SRGAP1: variants seen among roughly 807,000 people sequenced by gnomAD.
SRGAP1 encodes SLIT-ROBO Rho GTPase-activating protein 1.
Under a neutral mutation model 121.9 loss-of-function variants are expected in SRGAP1, and 43 were observed. The ratio of observed to expected loss-of-function variants is 0.35; its 90% confidence interval spans 0.28 to 0.46. The LOEUF (loss-of-function observed/expected upper bound fraction) is 0.46. Among genes scored for constraint, SRGAP1 ranks in the 20% least tolerant of loss-of-function variants. The probability of loss-of-function intolerance (pLI) is 1.00; values close to 1 mark genes in which losing one functional copy is unlikely to be tolerated. For synonymous variants in SRGAP1, 447 were observed against 485.4 expected, an observed-to-expected ratio of 0.92 and a Z score of 1.04; for missense variants, 1,102 against 1,350.9, an observed-to-expected ratio of 0.82 and a Z score of 2.89.
At chr12:64,023,390 A>T (rs1156516358) in intron 4 of SRGAP1, among the ~76,000 whole-genome samples, 1 of 152,202 alleles carries the variant, frequency 6.6e-6, no homozygotes, top group Admixed American at 6.5e-5. Context: ...TAAAGAGGTC[A>T]TATGAAACGG....
intron 1 of SRGAP1, among the ~76,000 whole-genome samples, chr12:63,951,590 C>G (rs1285579982): frequency 6.6e-6 from 1 of 152,132 alleles, no homozygotes; most frequent in Non-Finnish European, 1.5e-5. Flanking sequence ...TGTTCTTGTC[C>G]CAATTCTGGC....
rs2036772116 is a variant in SRGAP1 at position 64,130,744 on chromosome 12, G to A, written c.2880+2544G>A. Among the ~76,000 whole-genome samples the A allele has an allele frequency of 2.0e-5, 3 of 152,204 alleles. No homozygotes were observed. In the South Asian group the frequency reaches 6.2e-4, roughly 32 times the overall value. On this transcript the variant is annotated intron_variant, in intron 21 of 21. Transcript: ENST00000355086. ...CATAAAGTAAGTGCCTTGGTCAGAG[G>A]TAATGCTGTGTGGAATACCATCATG...
At chr12:63,975,953 A>G (rs1317191942) in intron 1 of SRGAP1, among the ~76,000 whole-genome samples, 1 of 152,234 alleles carries the variant, frequency 6.6e-6, no homozygotes, top group East Asian at 1.9e-4. Flanking sequence ...TACAACTTAC[A>G]AAGAAAACTC....
chr12:63,875,614 T>A (rs1451802125), intron 1 of SRGAP1, among the ~76,000 whole-genome samples: 1 of 152,212 alleles, frequency 6.6e-6, no homozygotes, highest in Admixed American at 6.5e-5. Context: ...GAAAAAGCTA[T>A]CTTAGATATC....
At chr12:64,115,715 C>T in intron 17 of SRGAP1, 99 bp from the exon 18 acceptor site, 1 of 837,372 alleles carries the variant, frequency 1.2e-6, no homozygotes, top group Non-Finnish European at 1.9e-6. Flanking sequence ...GAGCCAAGAT[C>T]ACACCACTGC....
intron 6 of SRGAP1, among the ~76,000 whole-genome samples, chr12:64,053,136 T>C (rs376456127): frequency 6.6e-6 from 1 of 152,232 alleles, no homozygotes; most frequent in East Asian, 1.9e-4. Flanking sequence ...CTACTGGCTG[T>C]GTGTGTTCAC....
intron 6 of SRGAP1, among the ~76,000 whole-genome samples, chr12:64,045,131 T>C (rs925948220): frequency 2.0e-5 from 3 of 152,208 alleles, no homozygotes; most frequent in Non-Finnish European, 4.4e-5. Context: ...AATATTTCAT[T>C]CAAGTAATCA....
intron 2 of SRGAP1, among the ~76,000 whole-genome samples, chr12:63,986,208 C>A (rs953127062): frequency 6.6e-6 from 1 of 151,068 alleles, no homozygotes; most frequent in Non-Finnish European, 1.5e-5. Flanking sequence ...TCTCTCCCCC[C>A]CGACACACAC....
At chr12:64,091,095 T>C (rs2036042121) in intron 11 of SRGAP1, among the ~76,000 whole-genome samples, 181 bp from the exon 12 acceptor site, 1 of 152,198 alleles carries the variant, frequency 6.6e-6, no homozygotes, top group African/African-American at 2.4e-5. Flanking sequence ...ACAATTTGTA[T>C]GTTTTTTGAT....
chr12:64,092,331 A>AG (rs1428724894), intron 12 of SRGAP1, among the ~76,000 whole-genome samples: 8 of 152,324 alleles, frequency 5.3e-5, no homozygotes, highest in Non-Finnish European at 7.3e-5. Context: ...AACTAAGTTT[A>AG]TCTGAGAAAC....
intron 3 of SRGAP1, among the ~76,000 whole-genome samples, chr12:64,000,809 G>A (rs533003495): frequency 3.9e-5 from 6 of 152,262 alleles, no homozygotes; most frequent in African/African-American, 1.2e-4. Flanking sequence ...CTATGGATGC[G>A]GGATTCTCTA....
At chr12:63,884,645 A>C (rs1022655902) in intron 1 of SRGAP1, among the ~76,000 whole-genome samples, 1 of 150,438 alleles carries the variant, frequency 6.6e-6, no homozygotes, top group Non-Finnish European at 1.5e-5. Flanking sequence ...TATTCCCCGT[A>C]CCTAATTGTA....
intron 3 of SRGAP1, among the ~76,000 whole-genome samples, chr12:64,003,783 A>G (rs1401158767): frequency 6.6e-6 from 1 of 152,032 alleles, no homozygotes; most frequent in African/African-American, 2.4e-5. Context: ...TAAAATTAAA[A>G]CTAGTTGAAA....
At chr12:64,002,090 C>T (rs1444588437) in intron 3 of SRGAP1, among the ~76,000 whole-genome samples, 1 of 152,172 alleles carries the variant, frequency 6.6e-6, no homozygotes, top group Non-Finnish European at 1.5e-5. Context: ...TGCAAGGCAG[C>T]TAGAAACCTG....
intron 1 of SRGAP1, among the ~76,000 whole-genome samples, chr12:63,944,414 A>G (rs191120488): frequency 4.9e-4 from 74 of 152,292 alleles, no homozygotes; most frequent in East Asian, 5.8e-4. Flanking sequence ...CTTGCATGGC[A>G]GAAGGGGTGA....
At chr12:63,935,136 G>A (rs959603335) in intron 1 of SRGAP1, among the ~76,000 whole-genome samples, 10 of 152,138 alleles carry the variant, frequency 6.6e-5, no homozygotes, top group African/African-American at 1.7e-4. Context: ...AGTGGCTGGC[G>A]CAGAGCCTGG....
At chr12:63,909,272 T>C (rs943215355) in intron 1 of SRGAP1, among the ~76,000 whole-genome samples, 4 of 152,204 alleles carry the variant, frequency 2.6e-5, no homozygotes, top group African/African-American at 2.4e-5. Context: ...GCTGTGGAAT[T>C]TAAGGGCATA....
intron 18 of SRGAP1, among the ~76,000 whole-genome samples, chr12:64,117,670 A>G (rs773407895): frequency 6.6e-6 from 1 of 152,160 alleles, no homozygotes; most frequent in African/African-American, 2.4e-5. Flanking sequence ...AGTGTTGACC[A>G]TAGGTACAGT....
At chr12:64,047,859 A>G (rs1237598968) in intron 6 of SRGAP1, among the ~76,000 whole-genome samples, 3 of 152,190 alleles carry the variant, frequency 2.0e-5, no homozygotes, top group Non-Finnish European at 4.4e-5. Flanking sequence ...ATGACTATAT[A>G]GTAGGTATAT....
Sources: gnomAD v4.1 joint callset for allele counts (sites outside exome capture counted in the v4.1 genomes callset) on GRCh38, gnomAD v4.1.1 for gene constraint, MANE v1.5 for transcripts, NCBI Gene and HGNC (gene_info 2026-07-23, HGNC 2026-07-21) for gene names.